The following MMP14 variants were observed in gnomAD, a reference collection of about 807,000 sequenced individuals.
The protein encoded by MMP14 is matrix metallopeptidase 14.
Under a neutral mutation model 64.8 loss-of-function variants are expected in MMP14, and 13 were observed. The ratio of observed to expected loss-of-function variants is 0.20; its 90% CI spans 0.13 to 0.32. The LOEUF is 0.32. Among genes scored for constraint, MMP14 ranks in the 10% least tolerant of loss-of-function variants. The probability of loss-of-function intolerance (pLI) is 1.00; values close to 1 mark genes in which losing one functional copy is unlikely to be tolerated. For synonymous variants in MMP14, 322 were observed against 315.9 expected (o/e 1.02, Z -0.20); for missense variants, 594 against 783.8 (o/e 0.76, Z 2.89).
At chr14:22,838,378 T>G (rs1056795319) in intron 1 of MMP14, among the ~76,000 whole-genome samples, 1 of 152,118 alleles carries the variant, frequency 6.6e-6, no homozygotes, top group Non-Finnish European at 1.5e-5. Flanking sequence ...TCCGTTTTAA[T>G]TGGGTCATGG....
intron 2 of MMP14, 130 bp from the exon 3 acceptor site, chr14:22,841,783 C>G (rs2039774747): frequency 6.4e-7 from 1 of 1,551,602 alleles, no homozygotes; most frequent in South Asian, 1.2e-5. Context: ...CTCTCATATT[C>G]ACCCTGACCT....
At position 22,845,692 on chromosome 14, in the gene MMP14, G is replaced by C. The variant is rs1566483240; in HGVS notation, c.1418-16G>C. ...GGTCTTCCCTTCCTTACCACCTTCT[G>C]ATTCACTCCCTGCAGTCTTCACTTA... On this transcript the variant is annotated splice_polypyrimidine_tract_variant and intron_variant, in intron 9 of 9. Transcript: ENST00000311852. The C allele has an allele frequency of 6.2e-7, 1 of 1,612,710 alleles. No individual in the cohort carries two copies. Among genetic ancestry groups the C allele is most frequent in the African/African-American group, 1.3e-5 (1 of 75,040 alleles).
Position 22,847,015 on chromosome 14 carries a change from G to A in MMP14, c.*976G>A, listed in dbSNP as rs2039819617. On this transcript the variant is annotated 3_prime_UTR_variant, in exon 10 of 10. Coordinates refer to ENST00000311852, the MANE Select transcript of MMP14 (RefSeq NM_004995.4). ...CAGCAGCATTGGAAGGCTGGGGCCG[G>A]GCAGGCCAGGCCAAGCCAAGCAGGG... is the stretch of plus-strand genomic sequence containing the variant. 6.5e-6 allele frequency: 1 copy of A among 153,026 alleles called. No homozygotes were observed. Among genetic ancestry groups the A allele is most frequent in the Non-Finnish European group, 1.5e-5 (1 of 68,562 alleles). 9.5% of individuals were successfully genotyped at this position (153,026 alleles called of 1,614,324 possible).
rs1196307921 is a variant in MMP14 at position 22,846,338 on chromosome 14, TTG to T, written c.*300_*301del. 3.9e-5 allele frequency: 15 copies of T among 381,210 alleles called. No individual in the cohort carries two copies. 23.6% of individuals were successfully genotyped at this position (381,210 alleles called of 1,614,324 possible). A position where few individuals can be genotyped will look rare whatever the true frequency, so the allele number is the denominator to read the frequency against. On this transcript the variant is annotated 3_prime_UTR_variant, in exon 10 of 10. Transcript: ENST00000311852. Reference sequence around the variant, plus strand: ...GTCTGTCCAGCCCCATCTGAATGTGTTGGGGGCTCTGCACTTGAAGGCAGGAC... The same window carrying T: ...GTCTGTCCAGCCCCATCTGAATGTGTGGGGCTCTGCACTTGAAGGCAGGAC...
At chr14:22,841,831 GT>G (rs1195035893) in intron 2 of MMP14, 81 bp from the exon 3 acceptor site, 157 of 1,227,820 alleles carry the variant, frequency 1.3e-4, no homozygotes, top group Non-Finnish European at 1.7e-4. Context: ...CACACAGCAA[GT>G]CTTACCCAAC....
chr14:22,846,274 T>C lies in MMP14; in HGVS notation c.*235T>C. ...GAGGGCTGAGTGGGAGGGCGGCCCT[T>C]TCCAGCCTCTGCCCCTCAGGGGAAC... On this transcript the variant is annotated 3_prime_UTR_variant, in exon 10 of 10. Transcript: ENST00000311852. 1 of 517,980 alleles carries C rather than the reference T, an allele frequency of 1.9e-6. No homozygotes were observed. Among genetic ancestry groups the C allele is most frequent in the Non-Finnish European group, 3.4e-6 (1 of 295,492 alleles). The allele number at this position is 517,980 out of a possible 1,614,324, so 32.1% of individuals were successfully genotyped here. A position where few individuals can be genotyped will look rare whatever the true frequency, so the allele number is the denominator to read the frequency against.
Position 22,841,894 on chromosome 14 carries a change from G to T in MMP14, c.258-19G>T. On this transcript the variant is annotated intron_variant, in intron 2 of 9. Coordinates refer to ENST00000311852, the MANE Select transcript of MMP14 (RefSeq NM_004995.4). ...ATACACTGCACTGATCCCAATCCTC[G>T]CACCCAAACCCACTCCAGGGCCATG... The T allele has an allele frequency of 6.2e-7, 1 of 1,614,056 alleles. No homozygotes were observed. Among genetic ancestry groups the T allele is most frequent in the Admixed American group, 1.7e-5 (1 of 60,006 alleles).
rs771241603 is a variant in MMP14 at position 22,842,479 on chromosome 14, G to A, written c.450G>A (p.Val150=). 6.2e-7 allele frequency: 1 copy of A among 1,614,134 alleles called. No homozygotes were observed. Among genetic ancestry groups the A allele is most frequent in the South Asian group, 1.1e-5 (1 of 91,068 alleles). ...AGGCCATTCGCAAGGCGTTCCGCGT[G>A]TGGGAGAGTGCCACACCACTGCGCT... ...TYEAIRKAFR[V]WESATPLRFR... Residue 150 remains valine, a synonymous_variant, in exon 4 of 10, where the codon GTG becomes GTA. Transcript: ENST00000311852. The surrounding 1 kb of genome is among the most constrained non-coding windows in gnomAD (Gnocchi z 5.3).
rs369565852 is a variant in MMP14, at chr14:22,845,980, C to A, written c.1690C>A (p.Arg564Ser). 1 of 1,559,642 alleles carries A rather than the reference C, an allele frequency of 6.4e-7. No individual in the cohort carries two copies. The highest frequency in any genetic ancestry group is 2.4e-5 in the East Asian group (1 of 42,552). ...AVGLAVFFFRRHGTPRRLLYC... is the reference protein window; with the variant it reads ...AVGLAVFFFRSHGTPRRLLYC... Reference sequence around the variant, plus strand: ...GGGCCTTGCAGTCTTCTTCTTCAGACGCCATGGGACCCCCAGGCGACTGCT... The same window carrying A: ...GGGCCTTGCAGTCTTCTTCTTCAGAAGCCATGGGACCCCCAGGCGACTGCT... The change falls in exon 10 of 10, where the codon CGC (arginine) becomes AGC (serine). Residue 564 changes from arginine to serine, a missense_variant. Transcript: ENST00000311852.
At position 22,842,654 on chromosome 14, in the gene MMP14, A is replaced by T; in HGVS notation, c.625A>T (p.Ile209Phe). 6.2e-7 allele frequency: 1 copy of T among 1,613,824 alleles called. No individual in the cohort carries two copies. The highest frequency in any genetic ancestry group is 8.5e-7 in the Non-Finnish European group (1 of 1,179,820). The change falls in exon 4 of 10, where the codon ATT becomes TTT. Residue 209 changes from isoleucine to phenylalanine, a missense_variant. Ile to Phe is a conservative substitution (Grantham distance 21). Transcript: ENST00000311852. The surrounding 1 kb of genome is among the most constrained non-coding windows in gnomAD (Gnocchi z 5.3). ...LAHAYFPGPN[I>F]GGDTHFDSAE... is the part of the protein sequence containing the mutation. ...CCATGCCTACTTCCCAGGCCCCAAC[A>T]TTGGAGGAGACACCCACTTTGACTC...
At position 22,844,420 on chromosome 14, in the gene MMP14, C is replaced by T. The variant is rs781186873; in HGVS notation, c.1061C>T (p.Pro354Leu). 18 of 1,614,010 alleles carry T rather than the reference C, an allele frequency of 1.1e-5. No homozygotes were observed. Among genetic ancestry groups the T allele is most frequent in the Non-Finnish European group, 1.5e-5 (18 of 1,180,006 alleles). The change falls in exon 7 of 10, where the codon CCA becomes CTA. Residue 354 changes from proline to leucine, a missense_variant. By Grantham distance (98) the Pro-to-Leu change is moderately conservative. Around this residue, in one of 4 missense-constraint regions of MMP14, gnomAD observed 364 missense variants for 425.2 expected, o/e 0.86. Coordinates refer to ENST00000311852, the MANE Select transcript of MMP14 (RefSeq NM_004995.4). ...AATAACCAAGTGATGGATGGATACC[C>T]AATGCCCATTGGCCAGTTCTGGCGG... Reference protein sequence around the residue: ...VRNNQVMDGYPMPIGQFWRGL... With the variant: ...VRNNQVMDGYLMPIGQFWRGL...
rs762161209 is a variant in MMP14 at position 22,843,264 on chromosome 14, C to T, written c.696C>T (p.Asp232=). Residue 232 remains aspartate, a synonymous_variant, in exon 5 of 10, where the codon GAC becomes GAT. Coordinates refer to ENST00000311852, the MANE Select transcript of MMP14 (RefSeq NM_004995.4). The surrounding 1 kb of genome is among the most constrained non-coding windows in gnomAD (Gnocchi z 4.8). ...TVRNEDLNGN[D]IFLVAVHELG... is the part of the protein sequence containing the mutation. ...CTGTCCCCATCCTTCCAGGAAATGA[C>T]ATCTTCCTGGTGGCTGTGCACGAGC... 1.9e-6 allele frequency: 3 copies of T among 1,613,212 alleles called. No individual in the cohort carries two copies. Among genetic ancestry groups the T allele is most frequent in the African/African-American group, 2.7e-5 (2 of 74,922 alleles).
Position 22,845,386 on chromosome 14 carries a change from G to T in MMP14, c.1417+20G>T, listed in dbSNP as rs972235937. The T allele has an allele frequency of 3.2e-6, 5 of 1,540,378 alleles. No individual in the cohort carries two copies. The highest frequency in any genetic ancestry group is 4.5e-6 in the Non-Finnish European group (5 of 1,123,142). On this transcript the variant is annotated intron_variant, in intron 9 of 9. Coordinates refer to ENST00000311852, the MANE Select transcript of MMP14 (RefSeq NM_004995.4). Reference sequence around the variant, plus strand: ...ATGAAGGTGAGAGGGGCAAGGGAAGGTGTCGCTGAGAGAAGGATGGGAATA... The same window carrying T: ...ATGAAGGTGAGAGGGGCAAGGGAAGTTGTCGCTGAGAGAAGGATGGGAATA...
chr14:22,846,040 C>T lies in MMP14; in HGVS notation c.*1C>T, dbSNP rs377515486. On this transcript the variant is annotated 3_prime_UTR_variant, in exon 10 of 10. Transcript: ENST00000311852. ...GCGTTCCCTGCTGGACAAGGTCTGA[C>T]GCCCACCGCCGGCCCGCCCACTCCT... The T allele has an allele frequency of 1.8e-4, 270 of 1,469,878 alleles. No individual in the cohort carries two copies. Among genetic ancestry groups the T allele is most frequent in the Non-Finnish European group, 2.4e-4 (261 of 1,108,884 alleles). 91.1% of individuals were successfully genotyped at this position (1,469,878 alleles called of 1,614,324 possible).
chr14:22,836,979 G>T, intron 1 of MMP14, 54 bp downstream of exon 1: 2 of 1,415,510 alleles, frequency 1.4e-6, no homozygotes, highest in Non-Finnish European at 2.0e-6. Context: ...AGGCGAGCCC[G>T]GGGGTCTCCT....
intron 9 of MMP14, 145 bp from the exon 10 acceptor site, chr14:22,845,563 C>A: frequency 1.0e-6 from 1 of 964,102 alleles, no homozygotes. Flanking sequence ...CTATAAGCAC[C>A]CCCATTTTAC....
intron 1 of MMP14, among the ~76,000 whole-genome samples, chr14:22,837,588 T>A (rs1440564206): frequency 1.3e-5 from 2 of 152,258 alleles, no homozygotes; most frequent in Non-Finnish European, 2.9e-5. Flanking sequence ...GCTCTCCTTG[T>A]GAGCCGGGCG....
chr14:22,843,846 C>T lies in MMP14; in HGVS notation c.987C>T (p.Leu329=), dbSNP rs1295645243. ...CDGNFDTVAM[L]RGEMFVFKER... is the part of the protein sequence containing the mutation. ...GGAACTTTGACACCGTGGCCATGCT[C>T]CGAGGGGAGATGTTTGTCTTCAAGG... The change falls in exon 6 of 10, where the codon CTC becomes CTT. Residue 329 remains leucine, a synonymous_variant. Transcript: ENST00000311852. This position sits in a 1 kb window ranked among gnomAD's most constrained non-coding sequence, Gnocchi z 4.8. 6.2e-7 allele frequency: 1 copy of T among 1,612,062 alleles called. No homozygotes were observed. Among genetic ancestry groups the T allele is most frequent in the African/African-American group, 1.3e-5 (1 of 74,820 alleles).
rs147203625 is a variant in MMP14 at position 22,845,514 on chromosome 14, C to A, written c.1417+148C>A. 2.9e-5 allele frequency: 24 copies of A among 835,750 alleles called. No homozygotes were observed. The African/African-American group carries it at 2.9e-4, about 10-fold the overall frequency. 51.8% of individuals were successfully genotyped at this position (835,750 alleles called of 1,614,324 possible). A position where few individuals can be genotyped will look rare whatever the true frequency, so the allele number is the denominator to read the frequency against. Reference sequence around the variant, plus strand: ...AGGCGCTGGGCTAGGTGCTTCCACACGTGGTGCCCATTCATCCCCACCACC... The same window carrying A: ...AGGCGCTGGGCTAGGTGCTTCCACAAGTGGTGCCCATTCATCCCCACCACC... On this transcript the variant is annotated intron_variant, in intron 9 of 9. Coordinates refer to ENST00000311852, the MANE Select transcript of MMP14 (RefSeq NM_004995.4).
Sources: gnomAD v4.1 joint callset for allele counts (sites outside exome capture counted in the v4.1 genomes callset) on GRCh38, gnomAD v4.1.1 for gene constraint, gnomAD v4.1.1 regional missense constraint, Gnocchi (gnomAD v3.1) non-coding constraint, MANE v1.5 for transcripts, NCBI Gene and HGNC (gene_info 2026-07-23, HGNC 2026-07-21) for gene names.